SLC41A1: variants seen among roughly 807,000 people sequenced by gnomAD.
SLC41A1 encodes the protein solute carrier family 41 member 1, also known as solute carrier family 41 (magnesium transporter), member 1.
SLC41A1 carries 20 observed loss-of-function variants against 47.3 expected under a neutral mutation model. That is an observed-to-expected ratio of 0.42 (90% CI 0.30 to 0.61). The LOEUF (loss-of-function observed/expected upper bound fraction) is 0.61. SLC41A1 is among the 20% of genes least tolerant of loss of function. The pLI, the probability that SLC41A1 is intolerant of heterozygous loss-of-function variation, is 0.17. For missense variants in SLC41A1, 504 were observed against 674.1 expected, an observed-to-expected ratio of 0.75 and a Z score of 2.79; for synonymous variants, 282 against 272.7, an observed-to-expected ratio of 1.03 and a Z score of -0.34.
chr1:205,808,283 G>A (rs1656062773), intron 2 of SLC41A1, among the ~76,000 whole-genome samples: 1 of 152,190 alleles, frequency 6.6e-6, no homozygotes, highest in African/African-American at 2.4e-5. Flanking sequence ...ACCAACTGGT[G>A]AACCATGGCC....
At chr1:205,805,443 C>T (rs1007065862) in intron 2 of SLC41A1, among the ~76,000 whole-genome samples, 2 of 152,110 alleles carry the variant, frequency 1.3e-5, no homozygotes, top group African/African-American at 4.8e-5. Context: ...GCTCTTCTTC[C>T]TCCTTTGGCC....
At chr1:205,797,073 G>T in intron 7 of SLC41A1, 70 bp from the exon 8 acceptor site, 1 of 1,368,530 alleles carries the variant, frequency 7.3e-7, no homozygotes, top group Non-Finnish European at 1.0e-6. Context: ...TGGGATGAGA[G>T]GTCCAGGCCC....
rs890464011 is a variant in SLC41A1, at chr1:205,795,488, C to G, written c.1073-10G>C. ...AGATTGCCCCCAACACCTGCAGAGA[C>G]ACATACGGGCTTAGACACAGACAGA... On this transcript the variant is annotated splice_polypyrimidine_tract_variant and intron_variant, in intron 8 of 10. Transcript: ENST00000367137. The G allele has an allele frequency of 1.2e-6, 2 of 1,614,040 alleles. No individual in the cohort carries two copies. The highest frequency in any genetic ancestry group is 2.7e-5 in the African/African-American group (2 of 74,926).
At chr1:205,800,763 C>T (rs890226499) in intron 3 of SLC41A1, among the ~76,000 whole-genome samples, 190 bp downstream of exon 3, 9 of 152,176 alleles carry the variant, frequency 5.9e-5, no homozygotes, top group Non-Finnish European at 1.2e-4. Context: ...GGGCAGGGAG[C>T]CCCTGCCCAG....
In SLC41A1 at chr1:205,795,441, G is replaced by A. The variant is rs749746102; in HGVS notation, c.1110C>T (p.Arg370=). 58 of 1,614,218 alleles carry A rather than the reference G, an allele frequency of 3.6e-5. No homozygotes were observed. Among genetic ancestry groups the A allele is most frequent in the Non-Finnish European group, 4.7e-5 (55 of 1,180,040 alleles). Reference sequence around the variant, plus strand: ...CATTCATGTGCAGGAAGGTGGAGATGCGGCTGGCCTGCACTGCCACCAGAT... The same window carrying A: ...CATTCATGTGCAGGAAGGTGGAGATACGGCTGGCCTGCACTGCCACCAGAT... The part of the protein sequence containing the change: ...GGNLVAVQAS[R]ISTFLHMNGM... Residue 370 remains arginine, a synonymous_variant, in exon 9 of 11, where the codon CGC becomes CGT. Transcript: ENST00000367137.
At chr1:205,798,122 T>A (rs1264941440) in intron 6 of SLC41A1, 71 bp from the exon 7 acceptor site, 3 of 1,603,662 alleles carry the variant, frequency 1.9e-6, no homozygotes, top group Non-Finnish European at 2.6e-6. Context: ...TGGCTCAGCC[T>A]GAAAATGTCC....
intron 8 of SLC41A1, chr1:205,795,812 A>G: frequency 2.4e-6 from 1 of 416,666 alleles, no homozygotes. Context: ...CTTCTCCACC[A>G]GTAGAGCATG....
chr1:205,806,165 A>G (rs1253967515), intron 2 of SLC41A1, among the ~76,000 whole-genome samples: 1 of 152,228 alleles, frequency 6.6e-6, no homozygotes, highest in African/African-American at 2.4e-5. Flanking sequence ...TATACGGTGC[A>G]GGACAAAGCA....
At chr1:205,794,144 ACG>A (rs1558078427) in intron 10 of SLC41A1, among the ~76,000 whole-genome samples, 1 of 51,872 alleles carries the variant, frequency 1.9e-5, no homozygotes, top group African/African-American at 4.0e-5. Flanking sequence ...ACGAACACAC[ACG>A]CACACACACA....
rs1292025488 is a variant in SLC41A1 at position 205,789,834 on chromosome 1, G to C, written c.*1699C>G. The C allele has an allele frequency of 6.6e-6, 1 of 152,204 alleles. No individual in the cohort carries two copies. The highest frequency in any genetic ancestry group is 2.4e-5 in the African/African-American group (1 of 41,424). 9.4% of individuals were successfully genotyped at this position (152,204 alleles called of 1,614,324 possible). A position where few individuals can be genotyped will look rare whatever the true frequency, so the allele number is the denominator to read the frequency against. On this transcript the variant is annotated 3_prime_UTR_variant, in exon 11 of 11. Transcript: ENST00000367137. ...TTGCCTAAGCCTTCCCTTGGAGGTG[G>C]GCCCTTGAGGCTACAGATGGAAGGG...
In SLC41A1 at chr1:205,797,003, A is replaced by G. The variant is rs776299181; in HGVS notation, c.993T>C (p.Ser331=). The change falls in exon 8 of 11, where the codon AGT becomes AGC. Residue 331 remains serine, a splice_region_variant and synonymous_variant. Coordinates refer to ENST00000367137, the MANE Select transcript of SLC41A1 (RefSeq NM_173854.6). ...TCTTGTCCAAGATGAGGCCTCCCAC[A>G]CTATAGAGACATAAAGACAAAATGA... ...EPVIIAMAIS[S]VGGLILDKTV... 3 of 1,607,146 alleles carry G rather than the reference A, an allele frequency of 1.9e-6. No individual in the cohort carries two copies. The highest frequency in any genetic ancestry group is 2.2e-5 in the East Asian group (1 of 44,630).
chr1:205,799,702 A>C, intron 4 of SLC41A1, 57 bp downstream of exon 4: 15 of 1,577,382 alleles, frequency 9.5e-6, no homozygotes, highest in Non-Finnish European at 1.3e-5. Flanking sequence ...TAAGCCTTTC[A>C]GAGATTCCTG....
rs747162664 is a variant in SLC41A1, at chr1:205,810,359, G to A, written c.83C>T (p.Pro28Leu). 2.5e-6 allele frequency: 4 copies of A among 1,614,132 alleles called. No homozygotes were observed. Among genetic ancestry groups the A allele is most frequent in the Non-Finnish European group, 2.5e-6 (3 of 1,180,032 alleles). Residue 28 changes from proline (P) to leucine (L), a missense_variant, in exon 2 of 11, where the codon CCA becomes CTA. Pro to Leu is a moderately conservative substitution (Grantham distance 98). Around this residue, in one of 2 missense-constraint regions of SLC41A1, gnomAD observed 83 missense variants for 72.5 expected, o/e 1.15. Transcript: ENST00000367137. The surrounding 1 kb of genome is among the most constrained non-coding windows in gnomAD (Gnocchi z 5.5). The part of the protein sequence containing the change: ...PSASPCSSDG[P>L]GREPLAGTSE... Reference sequence around the variant, plus strand: ...GGTCCCAGCCAAGGGCTCTCTCCCTGGGCCATCTGAAGAGCAGGGAGAGGC... The same window carrying A: ...GGTCCCAGCCAAGGGCTCTCTCCCTAGGCCATCTGAAGAGCAGGGAGAGGC...
chr1:205,801,101 A>C, intron 2 of SLC41A1, 41 bp from the exon 3 acceptor site: 1 of 1,537,866 alleles, frequency 6.5e-7, no homozygotes, highest in Non-Finnish European at 9.0e-7. Flanking sequence ...CAGTGCCCCA[A>C]AGGGCGGGCA....
chr1:205,791,667 G>A lies in SLC41A1; in HGVS notation c.1408C>T (p.Arg470Trp), dbSNP rs144675068. 3 of 1,613,906 alleles carry A rather than the reference G, an allele frequency of 1.9e-6. No homozygotes were observed. Among genetic ancestry groups the A allele is most frequent in the Non-Finnish European group, 2.5e-6 (3 of 1,180,012 alleles). ...GAGAAGTTGTCCGGGTCCAGGCCCCGGCCCCACATCCAGTGCACCATCCAG... is the reference window on the plus strand; with the variant it reads ...GAGAAGTTGTCCGGGTCCAGGCCCCAGCCCCACATCCAGTGCACCATCCAG... Reference protein sequence around the residue: ...ADWMVHWMWGRGLDPDNFSIP... With the variant: ...ADWMVHWMWGWGLDPDNFSIP... Residue 470 changes from arginine (R) to tryptophan (W), a missense_variant, in exon 11 of 11, where the codon CGG (arginine) becomes TGG (tryptophan). Arg to Trp is a moderately radical substitution (Grantham distance 101). Transcript: ENST00000367137. The surrounding 1 kb of genome is among the most constrained non-coding windows in gnomAD (Gnocchi z 4.0).
Position 205,789,795 on chromosome 1 carries a change from T to C in SLC41A1, c.*1738A>G, listed in dbSNP as rs1268989620. 6.6e-6 allele frequency: 1 copy of C among 152,228 alleles called. No individual in the cohort carries two copies. The highest frequency in any genetic ancestry group is 1.9e-4 in the East Asian group (1 of 5,202). 9.4% of individuals were successfully genotyped at this position (152,228 alleles called of 1,614,324 possible). A position where few individuals can be genotyped will look rare whatever the true frequency, so the allele number is the denominator to read the frequency against. ...TTCCTGGGATAAGGTGCAGTGTTGG[T>C]AGAAACAGGATCATTGCCTAAGCCT... is the stretch of plus-strand genomic sequence containing the variant. On this transcript the variant is annotated 3_prime_UTR_variant, in exon 11 of 11. Transcript: ENST00000367137.
In SLC41A1 at chr1:205,812,985, C is replaced by T; in HGVS notation, c.-824G>A. On this transcript the variant is annotated 5_prime_UTR_variant, in exon 1 of 11. It removes the in-frame stop codon of an upstream open reading frame in the 5' UTR. Transcript: ENST00000367137. The stretch of plus-strand genomic sequence containing the variant: ...GCGTCCAGCCGCGACACCCGGCTCG[C>T]TACATTTCGCTTCTGCGTTACAGCG... 1 of 985,884 alleles carries T rather than the reference C, an allele frequency of 1.0e-6. No individual in the cohort carries two copies. Among genetic ancestry groups the T allele is most frequent in the South Asian group, 4.7e-5 (1 of 21,302 alleles). 61.1% of individuals were successfully genotyped at this position (985,884 alleles called of 1,614,324 possible).
Position 205,797,955 on chromosome 1 carries a change from TC to T in SLC41A1, c.940del (p.Glu314ArgfsTer42). 6.2e-7 allele frequency: 1 copy of T among 1,613,850 alleles called. No homozygotes were observed. Among genetic ancestry groups the T allele is most frequent in the Non-Finnish European group, 8.5e-7 (1 of 1,179,956 alleles). ...VLARRSPATR[E>X]VLYSGWEPVI... is the part of the protein sequence containing the mutation. ...AGGCTCCCAGCCCGAGTACAACACC[TC>T]CCTTGTGGCTGGACTTCGTCGGGCC... On this transcript the variant is annotated frameshift_variant, in exon 7 of 11. Transcript: ENST00000367137. LOFTEE classifies it high-confidence loss of function.
chr1:205,792,357 A>T (rs544677807), intron 10 of SLC41A1, among the ~76,000 whole-genome samples: 8 of 152,360 alleles, frequency 5.3e-5, no homozygotes, highest in Non-Finnish European at 1.2e-4. Context: ...GTCCTAATAA[A>T]GTTGAATTGT....
Sources: allele counts gnomAD v4.1 joint callset (sites outside exome capture counted in the v4.1 genomes callset), GRCh38; gene constraint gnomAD v4.1.1; regional missense constraint gnomAD v4.1.1; non-coding constraint Gnocchi (gnomAD v3.1); transcripts MANE v1.5; gene names NCBI Gene and HGNC (gene_info 2026-07-23, HGNC 2026-07-21).